Variants in MRPL37 observed in about 807,000 individuals in gnomAD.
MRPL37 encodes the protein large ribosomal subunit protein mL37.
A neutral mutation model predicts 44.1 loss-of-function variants in MRPL37; 34 were observed. The ratio of observed to expected loss-of-function variants is 0.77; its 90% confidence interval spans 0.59 to 1.03. MRPL37 has a LOEUF of 1.03. Among genes scored for constraint, MRPL37 ranks in the 50% least tolerant of loss-of-function variants. The pLI is 0.00. For missense variants in MRPL37, 532 were observed against 543.7 expected (o/e 0.98, Z 0.21); for synonymous variants, 212 against 219.5 (o/e 0.97, Z 0.30).
chr1:54,225,194 G>A (rs56802641), downstream of MRPL37: 64,463 of 1,234,216 alleles, frequency 0.052, 1,975 homozygotes, highest in Admixed American at 0.14. Context: ...GCTTTTAGAC[G>A]GCCCCCAAAT....
chr1:54,200,233 A>C lies in MRPL37; in HGVS notation c.-11A>C, dbSNP rs376815309. 51 of 1,553,830 alleles carry C rather than the reference A, an allele frequency of 3.3e-5. No homozygotes were observed. Among genetic ancestry groups the C allele is most frequent in the African/African-American group, 2.5e-4 (18 of 73,220 alleles). On this transcript the variant is annotated 5_prime_UTR_variant, in exon 1 of 7. Coordinates refer to ENST00000360840, the MANE Select transcript of MRPL37 (RefSeq NM_016491.4). ...GGGTCCAGGTGGAGGTCTTGAGGCT[A>C]TCAGATCGGTATGGCATTGGCGTCC...
downstream of MRPL37, among the ~76,000 whole-genome samples, chr1:54,221,128 A>G (rs1461030266): frequency 7.4e-6 from 1 of 135,418 alleles, no homozygotes; most frequent in Non-Finnish European, 1.6e-5. Context: ...CAAGGTTTCA[A>G]GTCGATGGGT....
chr1:54,225,162 G>C, downstream of MRPL37: 1 of 1,234,342 alleles, frequency 8.1e-7, no homozygotes, highest in Non-Finnish European at 1.0e-6. Context: ...AAATGTGTTT[G>C]CAAGACAAGA....
chr1:54,217,268 T>C (rs970077387), intron 6 of MRPL37, among the ~76,000 whole-genome samples: 4 of 152,176 alleles, frequency 2.6e-5, no homozygotes, highest in African/African-American at 9.7e-5. Context: ...TGTTTCCACC[T>C]GAAATGCCTG....
intron 5 of MRPL37, among the ~76,000 whole-genome samples, chr1:54,215,911 T>G (rs1462001624): frequency 6.6e-6 from 1 of 152,122 alleles, no homozygotes; most frequent in African/African-American, 2.4e-5. Context: ...TGTGCTCAAA[T>G]AGAAGAGCAG....
At chr1:54,225,159 T>C, downstream of MRPL37, 2 of 1,234,346 alleles carry the variant, frequency 1.6e-6, no homozygotes, top group Non-Finnish European at 1.0e-6. Context: ...CCAAAATGTG[T>C]TTGCAAGACA....
chr1:54,218,134 C>T (rs1267129260), intron 6 of MRPL37, 38 bp from the exon 7 acceptor site: 1 of 1,558,254 alleles, frequency 6.4e-7, no homozygotes, highest in South Asian at 1.1e-5. Flanking sequence ...TGCCGTTAAA[C>T]CTAGTAGCAG....
At chr1:54,218,116 T>C (rs913598466) in intron 6 of MRPL37, 56 bp from the exon 7 acceptor site, 3 of 1,473,816 alleles carry the variant, frequency 2.0e-6, no homozygotes, top group Non-Finnish European at 2.8e-6. Flanking sequence ...AATCTTTGTT[T>C]TAATTGCTGC....
downstream of MRPL37, chr1:54,220,600 C>T (rs368105239): frequency 2.1e-4 from 97 of 468,978 alleles, no homozygotes; most frequent in East Asian, 3.2e-3. Flanking sequence ...TGACAGCTGC[C>T]CCCTCCACAG....
chr1:54,208,695 CTT>C (rs1644142601), intron 3 of MRPL37, among the ~76,000 whole-genome samples: 1 of 152,152 alleles, frequency 6.6e-6, no homozygotes, highest in Non-Finnish European at 1.5e-5. Flanking sequence ...CTGCACCTGA[CTT>C]TTGCACATTA....
intron 1 of MRPL37, among the ~76,000 whole-genome samples, chr1:54,204,460 A>G (rs1644106907): frequency 6.6e-6 from 1 of 152,120 alleles, no homozygotes; most frequent in African/African-American, 2.4e-5. Context: ...TACTAAGGCC[A>G]GAGAGGTTCA....
chr1:54,210,050 C>T lies in MRPL37; in HGVS notation c.751C>T (p.His251Tyr). ...AGAGGAGATTGAAGCTACTAAGAAT[C>T]ATGTTCTAGAGACCTTCTACCCCAT... ...SREEIEATKN[H>Y]VLETFYPISP... The change falls in exon 4 of 7, where the codon CAT becomes TAT. Residue 251 changes from histidine to tyrosine, a missense_variant. Coordinates refer to ENST00000360840, the MANE Select transcript of MRPL37 (RefSeq NM_016491.4). 6.2e-7 allele frequency: 1 copy of T among 1,614,172 alleles called. No individual in the cohort carries two copies. The highest frequency in any genetic ancestry group is 8.5e-7 in the Non-Finnish European group (1 of 1,180,020).
At chr1:54,218,980 C>T (rs1433038295), downstream of MRPL37, among the ~76,000 whole-genome samples, 2 of 152,374 alleles carry the variant, frequency 1.3e-5, no homozygotes, top group South Asian at 4.1e-4. Context: ...CGGTCACCCA[C>T]CTGGTGCTAT....
chr1:54,204,238 T>G (rs1176230062), intron 1 of MRPL37, among the ~76,000 whole-genome samples: 2 of 151,904 alleles, frequency 1.3e-5, no homozygotes, highest in Non-Finnish European at 2.9e-5. Flanking sequence ...CAAAAATTAG[T>G]TGGGTGCTGT....
At chr1:54,209,450 A>ATTTTTTTTTTTT (rs35454838) in intron 3 of MRPL37, among the ~76,000 whole-genome samples, 1 of 137,710 alleles carries the variant, frequency 7.3e-6, no homozygotes. Flanking sequence ...AAAGTCTTTA[A>ATTTTTTTTTTTT]TTTTTTTTTT....
downstream of MRPL37, chr1:54,225,134 A>C (rs1467665256): frequency 1.6e-6 from 2 of 1,234,240 alleles, no homozygotes; most frequent in Non-Finnish European, 2.0e-6. Flanking sequence ...GAAAAATAAA[A>C]GACATTCCAG....
chr1:54,203,772 G>A (rs1457776569), intron 1 of MRPL37, among the ~76,000 whole-genome samples: 4 of 152,132 alleles, frequency 2.6e-5, no homozygotes, highest in South Asian at 2.1e-4. Flanking sequence ...CACCATGCCC[G>A]GCCTAAGGTT....
chr1:54,225,432 T>C (rs907257736), downstream of MRPL37: 31 of 1,232,778 alleles, frequency 2.5e-5, no homozygotes, highest in Non-Finnish European at 3.1e-5. Context: ...CAGGAAGGGC[T>C]GCGGAAAAAA....
At chr1:54,219,664 A>G (rs990475444), downstream of MRPL37, among the ~76,000 whole-genome samples, 3 of 152,236 alleles carry the variant, frequency 2.0e-5, no homozygotes, top group Non-Finnish European at 2.9e-5. Flanking sequence ...TTCAGAGTTC[A>G]GGGAAAGATA....
Sources: allele counts gnomAD v4.1 joint callset (sites outside exome capture counted in the v4.1 genomes callset), GRCh38; gene constraint gnomAD v4.1.1; transcripts MANE v1.5; gene names NCBI Gene and HGNC (gene_info 2026-07-23, HGNC 2026-07-21).